The following MYO10 variants were observed in gnomAD, a reference collection of about 807,000 sequenced individuals.
The protein encoded by MYO10 is myosin X, also known as unconventional myosin-X.
Under a neutral mutation model 257.3 loss-of-function variants are expected in MYO10, and 133 were observed. The ratio of observed to expected loss-of-function variants is 0.52; its 90% confidence interval spans 0.45 to 0.60. The LOEUF is 0.60. Among genes scored for constraint, MYO10 ranks in the 20% least tolerant of loss-of-function variants. The pLI is 0.00. For synonymous variants in MYO10, 1,104 were observed against 1,028.6 expected, an observed-to-expected ratio of 1.07 and a Z score of -1.40; for missense variants, 2,399 against 2,635.7, an observed-to-expected ratio of 0.91 and a Z score of 1.97.
rs771032585 is a variant in MYO10, at chr5:16,877,580, G to C, written c.120+29C>G. The C allele has an allele frequency of 7.0e-6, 11 of 1,562,944 alleles. No individual in the cohort carries two copies. In the South Asian group the frequency reaches 1.2e-4, roughly 17 times the overall value. On this transcript the variant is annotated intron_variant, in intron 2 of 40. Transcript: ENST00000513610. ...AATAGCTACAAAGCAGACCATGGAT[G>C]TTGGGAAGCTGCAGGGACTTGTTCT... is the stretch of plus-strand genomic sequence containing the variant.
chr5:16,919,467 CT>C (rs150519738), intron 1 of MYO10, among the ~76,000 whole-genome samples: 10,475 of 152,236 alleles, frequency 0.069, 416 homozygotes, highest in African/African-American at 0.11. Flanking sequence ...CTCTGGCCTC[CT>C]ATCCTGGCTC....
chr5:16,910,627 C>T (rs1745634533), intron 1 of MYO10, among the ~76,000 whole-genome samples: 1 of 152,222 alleles, frequency 6.6e-6, no homozygotes, highest in South Asian at 2.1e-4. Context: ...GCTCACTAGG[C>T]ATCCATCACT....
intron 2 of MYO10, among the ~76,000 whole-genome samples, chr5:16,824,600 G>A (rs1742947037): frequency 6.6e-6 from 1 of 152,182 alleles, no homozygotes; most frequent in Admixed American, 6.5e-5. Context: ...CGGGCGCGGT[G>A]GCTCACGCTT....
chr5:16,725,497 G>A (rs1292769791), intron 19 of MYO10, among the ~76,000 whole-genome samples: 2 of 152,134 alleles, frequency 1.3e-5, no homozygotes, highest in African/African-American at 4.8e-5. Context: ...CTTTACATGT[G>A]CCCACTTAAT....
intron 1 of MYO10, among the ~76,000 whole-genome samples, chr5:16,935,099 C>G (rs73757207): frequency 6.6e-6 from 1 of 152,214 alleles, no homozygotes; most frequent in South Asian, 2.1e-4. Flanking sequence ...CCACCCTCAA[C>G]GACCCTAAAG....
At position 16,815,004 on chromosome 5, in the gene MYO10, C is replaced by T. The variant is rs57903390; in HGVS notation, c.279+3005G>A. ...TTTTTTTTTCCTTCTAATTTACTTA[C>T]TTTTTCTTGACTATTGAAAATGTAC... On this transcript the variant is annotated intron_variant, in intron 3 of 40. Coordinates refer to ENST00000513610, the MANE Select transcript of MYO10 (RefSeq NM_012334.3). 1,176 of 152,970 alleles carry T rather than the reference C, an allele frequency of 7.7e-3. 12 individuals are homozygous for T. The highest frequency in any genetic ancestry group is 0.027 in the African/African-American group (1,125 of 41,356). 9.5% of individuals were successfully genotyped at this position (152,970 alleles called of 1,614,324 possible).
chr5:16,880,011 C>G (rs6882539), intron 1 of MYO10, among the ~76,000 whole-genome samples: 1 of 151,834 alleles, frequency 6.6e-6, no homozygotes, highest in Non-Finnish European at 1.5e-5. Context: ...AACCGCGTGT[C>G]TACCAAAAAA....
At chr5:16,719,360 C>CAGGT (rs1354959166) in intron 19 of MYO10, among the ~76,000 whole-genome samples, 4 of 152,144 alleles carry the variant, frequency 2.6e-5, no homozygotes, top group Non-Finnish European at 5.9e-5. Flanking sequence ...CTGCTAAGGG[C>CAGGT]AGGTGTCTGA....
chr5:16,840,996 T>C (rs980230330), intron 2 of MYO10, among the ~76,000 whole-genome samples: 33 of 151,668 alleles, frequency 2.2e-4, no homozygotes, highest in African/African-American at 8.0e-4. Context: ...CAAAAAAAAA[T>C]TAGCCGGGCG....
intron 3 of MYO10, among the ~76,000 whole-genome samples, chr5:16,810,846 G>A (rs556585310): frequency 2.0e-5 from 3 of 152,088 alleles, no homozygotes; most frequent in Non-Finnish European, 4.4e-5. Flanking sequence ...CAAGGCGGGT[G>A]GATCTCCCGA....
intron 19 of MYO10, among the ~76,000 whole-genome samples, chr5:16,718,168 T>A (rs1280913543): frequency 6.6e-6 from 1 of 152,214 alleles, no homozygotes; most frequent in African/African-American, 2.4e-5. Context: ...TGTTTCTCGC[T>A]GGGCCTTAGC....
At chr5:16,919,370 T>C (rs1422477302) in intron 1 of MYO10, among the ~76,000 whole-genome samples, 1 of 151,782 alleles carries the variant, frequency 6.6e-6, no homozygotes, top group Non-Finnish European at 1.5e-5. Flanking sequence ...GGAACAAGAC[T>C]CCATCTCAAA....
chr5:16,725,989 T>C (rs1011442631), intron 19 of MYO10, among the ~76,000 whole-genome samples: 1 of 152,126 alleles, frequency 6.6e-6, no homozygotes, highest in Non-Finnish European at 1.5e-5. Context: ...ATGACCATGT[T>C]GGCCAGGCTG....
At chr5:16,889,750 G>C (rs1009287066) in intron 1 of MYO10, among the ~76,000 whole-genome samples, 1 of 151,698 alleles carries the variant, frequency 6.6e-6, no homozygotes, top group Non-Finnish European at 1.5e-5. Context: ...CCTCTTGGTG[G>C]AAGCAGTAGG....
At chr5:16,816,947 G>T (rs374358623) in intron 3 of MYO10, among the ~76,000 whole-genome samples, 1 of 152,122 alleles carries the variant, frequency 6.6e-6, no homozygotes, top group African/African-American at 2.4e-5. Context: ...AGCCTCCTGA[G>T]TAGCCGGGAT....
intron 16 of MYO10, 108 bp from the exon 17 acceptor site, chr5:16,761,654 T>C: frequency 9.4e-6 from 8 of 848,674 alleles, no homozygotes; most frequent in Non-Finnish European, 1.3e-5. Flanking sequence ...AGAAATTTAT[T>C]TATTTATTTT....
chr5:16,772,135 CT>C (rs112723876), intron 9 of MYO10, among the ~76,000 whole-genome samples: 386 of 144,482 alleles, frequency 2.7e-3, no homozygotes, highest in East Asian at 4.6e-3. Context: ...ATATTGCATA[CT>C]TTTTTTTTTT....
chr5:16,822,818 G>A (rs1742862863), intron 2 of MYO10, among the ~76,000 whole-genome samples: 1 of 151,902 alleles, frequency 6.6e-6, no homozygotes, highest in Admixed American at 6.6e-5. Context: ...CTCCCGCGTA[G>A]CTGGGACTAC....
At chr5:16,897,023 A>C (rs961588786) in intron 1 of MYO10, among the ~76,000 whole-genome samples, 7 of 152,128 alleles carry the variant, frequency 4.6e-5, no homozygotes, top group Admixed American at 2.0e-4. Flanking sequence ...GGCAGGCAGG[A>C]AGGAAGGAAA....
Sources: allele counts gnomAD v4.1 joint callset (sites outside exome capture counted in the v4.1 genomes callset), GRCh38; gene constraint gnomAD v4.1.1; transcripts MANE v1.5; gene names NCBI Gene and HGNC (gene_info 2026-07-23, HGNC 2026-07-21).